VPS26C: variants seen among roughly 807,000 people sequenced by gnomAD.
VPS26C encodes vacuolar protein sorting-associated protein 26C.
A neutral mutation model predicts 30.6 loss-of-function variants in VPS26C; 19 were observed. That is an observed-to-expected ratio of 0.62 (90% CI 0.43 to 0.91). The LOEUF is 0.91. VPS26C is among the 40% of genes least tolerant of loss of function. The probability of loss-of-function intolerance (pLI) is 0.00; values close to 1 mark genes in which losing one functional copy is unlikely to be tolerated. For synonymous variants in VPS26C, 132 were observed against 151.5 expected (o/e 0.87, Z 0.95); for missense variants, 318 against 385.1 (o/e 0.83, Z 1.46).
At chr21:37,252,932 G>A (rs1312003797) in intron 1 of VPS26C, among the ~76,000 whole-genome samples, 2 of 152,186 alleles carry the variant, frequency 1.3e-5, no homozygotes, top group African/African-American at 2.4e-5. Flanking sequence ...GGAATTTGGG[G>A]GGTGTCAGAT....
intron 1 of VPS26C, among the ~76,000 whole-genome samples, chr21:37,250,637 C>T (rs940075273): frequency 1.3e-5 from 2 of 150,660 alleles, no homozygotes; most frequent in Non-Finnish European, 3.0e-5. Context: ...GCGCGGTGCT[C>T]ACGCCTGTAA....
At chr21:37,237,364 A>C (rs931605099) in intron 3 of VPS26C, 1 of 152,366 alleles carries the variant, frequency 6.6e-6, no homozygotes, top group South Asian at 2.1e-4. Context: ...TCAATGTTCA[A>C]GATATCTTCA....
rs2085987489 is a variant in VPS26C, at chr21:37,233,438, G to GTA, written c.354_355dup (p.Thr119IlefsTer7). ...AGACCGCTTCATGTCACAGCGCAGT[G>GTA]TATACTAAAGGGGAGAGTTGGAGGA... On this transcript the variant is annotated frameshift_variant, in exon 4 of 8. Coordinates refer to ENST00000309117, the MANE Select transcript of VPS26C (RefSeq NM_006052.2). LOFTEE classifies it high-confidence loss of function. The surrounding 1 kb of genome is among the most constrained non-coding windows in gnomAD (Gnocchi z 5.2). The GTA allele has an allele frequency of 6.2e-7, 1 of 1,613,740 alleles. No individual in the cohort carries two copies. The highest frequency in any genetic ancestry group is 2.2e-5 in the East Asian group (1 of 44,878).
In VPS26C at chr21:37,267,125, C is replaced by A. The variant is rs963030501; in HGVS notation, c.57+113G>T. 2.0e-5 allele frequency: 20 copies of A among 980,104 alleles called. No individual in the cohort carries two copies. In the African/African-American group the frequency reaches 2.7e-4, roughly 13 times the overall value. 60.7% of individuals were successfully genotyped at this position (980,104 alleles called of 1,614,324 possible). ...CCCACCTTGGCGGAGACGCACCTGG[C>A]GGGACAGCCCTGCCCCGCCTAGGGA... On this transcript the variant is annotated intron_variant, in intron 1 of 7. Transcript: ENST00000309117.
At chr21:37,263,088 T>C (rs944415866) in intron 1 of VPS26C, among the ~76,000 whole-genome samples, 1 of 152,184 alleles carries the variant, frequency 6.6e-6, no homozygotes, top group East Asian at 1.9e-4. Context: ...TTAACGTTTA[T>C]ATTTTTTAAA....
Position 37,240,464 on chromosome 21 carries a change from TA to T in VPS26C, c.201+31del, listed in dbSNP as rs774998063. 1,843 of 1,612,314 alleles carry T rather than the reference TA, an allele frequency of 1.1e-3. 3 individuals are homozygous for T. Among genetic ancestry groups the T allele is most frequent in the Non-Finnish European group, 1.5e-3 (1,771 of 1,179,188 alleles). On this transcript the variant is annotated intron_variant, in intron 2 of 7. Coordinates refer to ENST00000309117, the MANE Select transcript of VPS26C (RefSeq NM_006052.2). ...CCAGCCCAACATTTCAATATTGAAC[TA>T]AAAACTTGCAATCTAAGCATTCTTT...
chr21:37,254,880 T>G (rs549118430), intron 1 of VPS26C, among the ~76,000 whole-genome samples: 1 of 152,104 alleles, frequency 6.6e-6, no homozygotes, highest in Non-Finnish European at 1.5e-5. Context: ...ACGTGTTAAT[T>G]AAGCAGTACG....
chr21:37,242,730 A>G (rs779398041), intron 1 of VPS26C, among the ~76,000 whole-genome samples: 8 of 152,206 alleles, frequency 5.3e-5, no homozygotes, highest in Admixed American at 1.3e-4. Context: ...TCCCGTTCCT[A>G]TGCAGTCATA....
chr21:37,262,295 G>C (rs1420978213), intron 1 of VPS26C, among the ~76,000 whole-genome samples: 2 of 152,196 alleles, frequency 1.3e-5, no homozygotes, highest in Non-Finnish European at 2.9e-5. Context: ...ACTGAAACCA[G>C]CAGTGCATGG....
In VPS26C at chr21:37,257,501, G is replaced by A. The variant is rs2086255917; in HGVS notation, c.57+9737C>T. Among the ~76,000 whole-genome samples the A allele has an allele frequency of 6.6e-6, 1 of 152,244 alleles. No individual in the cohort carries two copies. The highest frequency in any genetic ancestry group is 6.5e-5 in the Admixed American group (1 of 15,288). On this transcript the variant is annotated intron_variant, in intron 1 of 7. Transcript: ENST00000309117. This position sits in a 1 kb window ranked among gnomAD's most constrained non-coding sequence, Gnocchi z 4.2. ...GAAGCTTAAACCTAGAAAAGTAACT[G>A]GGTTGGGGTGGGGGTGTAGCCACAT...
intron 1 of VPS26C, among the ~76,000 whole-genome samples, chr21:37,256,291 G>A (rs1180711063): frequency 6.6e-6 from 1 of 152,214 alleles, no homozygotes; most frequent in Non-Finnish European, 1.5e-5. Flanking sequence ...ACTGGCCGTA[G>A]GCCTGTGAAG....
chr21:37,267,200 C>T, intron 1 of VPS26C, 38 bp downstream of exon 1: 2 of 1,099,152 alleles, frequency 1.8e-6, no homozygotes, highest in Non-Finnish European at 2.7e-6. Flanking sequence ...CAGACCCGCC[C>T]AACCCCACCT....
chr21:37,232,266 T>C lies in VPS26C; in HGVS notation c.507+111A>G, dbSNP rs2085972613. On this transcript the variant is annotated intron_variant, in intron 5 of 7. Transcript: ENST00000309117. ...TAATTTGGGTACAATCAGAAATCTC[T>C]GCCGGCTGATGACGTGATTTCCAAA... is the stretch of plus-strand genomic sequence containing the variant. 11 of 849,094 alleles carry C rather than the reference T, an allele frequency of 1.3e-5. No individual in the cohort carries two copies. In the Admixed American group the frequency reaches 1.8e-4, roughly 14 times the overall value. The allele number at this position is 849,094 out of a possible 1,614,324, so 52.6% of individuals were successfully genotyped here. A position where few individuals can be genotyped will look rare whatever the true frequency, so the allele number is the denominator to read the frequency against.
rs2086075471 is a variant in VPS26C, at chr21:37,240,550, G to A, written c.147C>T (p.Leu49=). 1 of 1,614,078 alleles carries A rather than the reference G, an allele frequency of 6.2e-7. No individual in the cohort carries two copies. Among genetic ancestry groups the A allele is most frequent in the Non-Finnish European group, 8.5e-7 (1 of 1,180,062 alleles). ...CACCCACACTTTTGGCACTGAGCTG[G>A]AGGTTTACAGTTCCTTCCATGGTCA... ...VSLTMEGTVN[L]QLSAKSVGVF... The change falls in exon 2 of 8, where the codon CTC becomes CTT. Residue 49 remains leucine (L), a synonymous_variant. Transcript: ENST00000309117.
intron 1 of VPS26C, among the ~76,000 whole-genome samples, chr21:37,255,343 T>C (rs2086231651): frequency 6.6e-6 from 1 of 152,158 alleles, no homozygotes; most frequent in South Asian, 2.1e-4. Context: ...AATTTTGGGC[T>C]GAAATCATGC....
In VPS26C at chr21:37,267,324, C is replaced by G. The variant is rs528442495; in HGVS notation, c.-30G>C. 1.9e-6 allele frequency: 3 copies of G among 1,607,946 alleles called. No individual in the cohort carries two copies. The highest frequency in any genetic ancestry group is 2.6e-6 in the Non-Finnish European group (3 of 1,174,852). On this transcript the variant is annotated 5_prime_UTR_variant, in exon 1 of 8. Transcript: ENST00000309117. ...AATTCTCCGCAGCAGCCGCCACTTC[C>G]GGCTGCGCGTGACCCCAGGGAAACA...
chr21:37,267,385 C>G, upstream of VPS26C: 1 of 1,154,896 alleles, frequency 8.7e-7, no homozygotes, highest in Non-Finnish European at 1.3e-6. Context: ...GGCCCCGCCC[C>G]TTTCCCTCTC....
In VPS26C at chr21:37,224,453, A is replaced by C. The variant is rs1441679008; in HGVS notation, c.*1091T>G. The C allele has an allele frequency of 6.6e-6, 1 of 152,166 alleles. No homozygotes were observed. The allele number at this position is 152,166 out of a possible 1,614,324, so 9.4% of individuals were successfully genotyped here. The stretch of plus-strand genomic sequence containing the variant: ...GCTGAGGGGAGGGATCGCTTGAGCC[A>C]GGGAGGTTGAGGCTGCCGTGAGCTG... On this transcript the variant is annotated 3_prime_UTR_variant, in exon 8 of 8. Transcript: ENST00000309117.
intron 1 of VPS26C, among the ~76,000 whole-genome samples, chr21:37,260,241 G>A (rs1473391823): frequency 3.3e-5 from 5 of 152,220 alleles, no homozygotes; most frequent in Non-Finnish European, 7.3e-5. Context: ...AGCTGGAAAA[G>A]GCTATCCTAG....
Sources: gnomAD v4.1 joint callset for allele counts (sites outside exome capture counted in the v4.1 genomes callset) on GRCh38, gnomAD v4.1.1 for gene constraint, Gnocchi (gnomAD v3.1) non-coding constraint, MANE v1.5 for transcripts, NCBI Gene and HGNC (gene_info 2026-07-23, HGNC 2026-07-21) for gene names.